Variants in L3MBTL4 observed in about 807,000 individuals in gnomAD.
L3MBTL4 encodes lethal(3)malignant brain tumor-like protein 4.
L3MBTL4 carries 70 observed loss-of-function variants against 84.5 expected under a neutral mutation model. The ratio of observed to expected loss-of-function variants is 0.83; its 90% confidence interval spans 0.68 to 1.01. The LOEUF (loss-of-function observed/expected upper bound fraction) is 1.01. Among genes scored for constraint, L3MBTL4 ranks in the 50% least tolerant of loss-of-function variants. The pLI is 0.00. For synonymous variants in L3MBTL4, 274 were observed against 259.8 expected (o/e 1.05, Z -0.52); for missense variants, 715 against 754.8 (o/e 0.95, Z 0.62).
At chr18:6,268,058 C>G (rs774417708) in intron 4 of L3MBTL4, among the ~76,000 whole-genome samples, 4 of 152,168 alleles carry the variant, frequency 2.6e-5, no homozygotes, top group Non-Finnish European at 4.4e-5. Context: ...GGGAAACTGT[C>G]GTGGTATTTT....
chr18:6,020,500 G>C (rs1272416058), intron 16 of L3MBTL4, among the ~76,000 whole-genome samples: 1 of 152,158 alleles, frequency 6.6e-6, no homozygotes, highest in African/African-American at 2.4e-5. Flanking sequence ...GCCATGATTA[G>C]ATTTGAAAGA....
rs921882288 is a variant in L3MBTL4, at chr18:6,241,429, C to T, written c.481G>A (p.Val161Ile). 3.1e-6 allele frequency: 5 copies of T among 1,593,484 alleles called. No individual in the cohort carries two copies. The highest frequency in any genetic ancestry group is 4.3e-6 in the Non-Finnish European group (5 of 1,167,052). ...CAGGCCTTCAAGTAATCCATCCAAA[C>T]AAATTTATCTTTTCTATAACCTAAA... ...IPKGYRKDKF[V>I]WMDYLKACKL... Residue 161 changes from valine (V) to isoleucine (I), a missense_variant, in exon 8 of 19, where the codon GTT becomes ATT. By Grantham distance (29) the Val-to-Ile change is conservative. Transcript: ENST00000317931.
At chr18:5,985,143 C>A (rs572206017) in intron 16 of L3MBTL4, among the ~76,000 whole-genome samples, 15 of 152,140 alleles carry the variant, frequency 9.9e-5, no homozygotes, top group African/African-American at 3.4e-4. Context: ...AATGAGAGTG[C>A]TAGCAAACTA....
At chr18:6,402,658 A>T (rs2055560744) in intron 1 of L3MBTL4, among the ~76,000 whole-genome samples, 1 of 152,166 alleles carries the variant, frequency 6.6e-6, no homozygotes, top group South Asian at 2.1e-4. Context: ...CTAGTGATTA[A>T]ATTGACTGTG....
intron 1 of L3MBTL4, chr18:6,413,975 T>C (rs1363492172): frequency 6.6e-6 from 1 of 152,286 alleles, no homozygotes; most frequent in Non-Finnish European, 1.5e-5. Context: ...ATTTGCGACC[T>C]CGCGAAAACG....
intron 12 of L3MBTL4, among the ~76,000 whole-genome samples, chr18:6,187,302 C>T (rs1474408459): frequency 6.6e-6 from 1 of 151,938 alleles, no homozygotes; most frequent in Non-Finnish European, 1.5e-5. Context: ...GTTTCTTCTA[C>T]AAAAGAAGTT....
intron 12 of L3MBTL4, among the ~76,000 whole-genome samples, chr18:6,186,230 C>T (rs994634460): frequency 3.3e-5 from 5 of 151,398 alleles, no homozygotes; most frequent in Admixed American, 6.6e-5. Flanking sequence ...TTAGTAGAGA[C>T]GAGGTTTCAC....
At chr18:6,398,178 A>G (rs1160944062) in intron 1 of L3MBTL4, among the ~76,000 whole-genome samples, 1 of 152,230 alleles carries the variant, frequency 6.6e-6, no homozygotes, top group East Asian at 1.9e-4. Flanking sequence ...CCTGACTCCA[A>G]AAACAAAAAG....
chr18:6,199,775 T>C (rs1054155602), intron 12 of L3MBTL4, among the ~76,000 whole-genome samples: 3 of 152,112 alleles, frequency 2.0e-5, no homozygotes, highest in Admixed American at 6.5e-5. Context: ...GCAGCTGAAA[T>C]GAAAAAACTC....
chr18:6,032,295 A>C (rs1283490417), intron 16 of L3MBTL4: 1 of 986,678 alleles, frequency 1.0e-6, no homozygotes. Context: ...AAAAAAAAAA[A>C]AAAAGAACTA....
intron 13 of L3MBTL4, among the ~76,000 whole-genome samples, chr18:6,165,591 C>T (rs372503312): frequency 6.6e-6 from 1 of 152,026 alleles, no homozygotes; most frequent in Non-Finnish European, 1.5e-5. Context: ...AGCTTCATAA[C>T]TGAAGGAGAA....
At chr18:6,155,818 G>A (rs1321792841) in intron 13 of L3MBTL4, among the ~76,000 whole-genome samples, 1 of 151,872 alleles carries the variant, frequency 6.6e-6, no homozygotes, top group Non-Finnish European at 1.5e-5. Context: ...AGAGTGAAAT[G>A]AAAAAAATCA....
intron 16 of L3MBTL4, among the ~76,000 whole-genome samples, chr18:6,027,031 GT>G (rs1379167833): frequency 1.3e-5 from 2 of 152,064 alleles, no homozygotes; most frequent in African/African-American, 2.4e-5. Flanking sequence ...TTGTTTGTTT[GT>G]TTTTTACTTT....
intron 16 of L3MBTL4, among the ~76,000 whole-genome samples, chr18:6,010,647 C>G (rs575607902): frequency 4.6e-5 from 7 of 152,178 alleles, no homozygotes; most frequent in Non-Finnish European, 1.5e-5. Flanking sequence ...ATATCCTCCC[C>G]GCAACCCGCT....
chr18:6,120,838 G>A (rs2144308449), intron 14 of L3MBTL4, among the ~76,000 whole-genome samples: 1 of 152,274 alleles, frequency 6.6e-6, no homozygotes, highest in South Asian at 2.1e-4. Context: ...ATCCCACTGT[G>A]TGAACAGGAC....
chr18:6,110,990 A>AG (rs751955343), intron 14 of L3MBTL4, among the ~76,000 whole-genome samples: 1 of 149,480 alleles, frequency 6.7e-6, no homozygotes, highest in Non-Finnish European at 1.5e-5. Flanking sequence ...CCCACCCCCC[A>AG]GGTCCTATCT....
At chr18:5,972,771 G>A (rs1179190547) in intron 16 of L3MBTL4, among the ~76,000 whole-genome samples, 1 of 152,046 alleles carries the variant, frequency 6.6e-6, no homozygotes, top group African/African-American at 2.4e-5. Context: ...TAATAGCTGA[G>A]TGACCTGGGA....
chr18:6,022,650 A>G (rs148334084), intron 16 of L3MBTL4, among the ~76,000 whole-genome samples: 2 of 152,106 alleles, frequency 1.3e-5, no homozygotes, highest in Admixed American at 6.5e-5. Flanking sequence ...TCGAATCCCA[A>G]CAACATCTCT....
intron 16 of L3MBTL4, among the ~76,000 whole-genome samples, chr18:6,069,709 T>G (rs2057518017): frequency 6.6e-6 from 1 of 152,140 alleles, no homozygotes; most frequent in Admixed American, 6.5e-5. Flanking sequence ...CAGGCAGCAG[T>G]AAGCCTCACC....
Sources: allele counts gnomAD v4.1 joint callset (sites outside exome capture counted in the v4.1 genomes callset), GRCh38; gene constraint gnomAD v4.1.1; transcripts MANE v1.5; gene names NCBI Gene and HGNC (gene_info 2026-07-23, HGNC 2026-07-21).